The following ACSM3 variants were observed in gnomAD, a reference collection of about 807,000 sequenced individuals.
ACSM3 encodes acyl-CoA synthetase medium chain family member 3, also known as acyl-coenzyme A synthetase ACSM3, mitochondrial.
A neutral mutation model predicts 74.1 loss-of-function variants in ACSM3; 61 were observed. That is an observed-to-expected ratio of 0.82 (90% CI 0.67 to 1.02). The LOEUF (loss-of-function observed/expected upper bound fraction) is 1.02. ACSM3 is among the 50% of genes least tolerant of loss of function. The pLI, the probability that ACSM3 is intolerant of heterozygous loss-of-function variation, is 0.00. For missense variants in ACSM3, 660 were observed against 697.0 expected (o/e 0.95, Z 0.60); for synonymous variants, 213 against 241.5 (o/e 0.88, Z 1.09).
chr16:20,738,007 T>G, intron 1 of ACSM3: 6 of 1,523,058 alleles, frequency 3.9e-6, no homozygotes, highest in Non-Finnish European at 5.3e-6. Context: ...ATCTTAAAGA[T>G]CGAACTCTAA....
At position 20,796,404 on chromosome 16, in the gene ACSM3, A is replaced by G. The variant is rs1275652505; in HGVS notation, c.1589A>G (p.Tyr530Cys). Reference sequence around the variant, plus strand: ...GCTTTTGTCGTTCTAAATCCTGATTACAAGTCACATGATCAAGAACAACTA... The same window carrying G: ...GCTTTTGTCGTTCTAAATCCTGATTGCAAGTCACATGATCAAGAACAACTA... ...VKAFVVLNPD[Y>C]KSHDQEQLIK... The change falls in exon 13 of 14, where the codon TAC (tyrosine) becomes TGC (cysteine). Residue 530 changes from tyrosine (Y) to cysteine (C), a missense_variant. Tyr to Cys is a radical substitution (Grantham distance 194, BLOSUM62 -2). Coordinates refer to ENST00000289416, the MANE Select transcript of ACSM3 (RefSeq NM_005622.4). 1.9e-6 allele frequency: 3 copies of G among 1,613,656 alleles called. No individual in the cohort carries two copies. The highest frequency in any genetic ancestry group is 2.5e-6 in the Non-Finnish European group (3 of 1,179,908).
chr16:20,714,097 C>CT (rs926045197), intron 1 of ACSM3, among the ~76,000 whole-genome samples: 11 of 152,092 alleles, frequency 7.2e-5, no homozygotes, highest in African/African-American at 2.4e-4. Context: ...AATTATATTT[C>CT]TCTTTTTCTG....
chr16:20,763,211 A>C (rs2080091618), upstream of ACSM3, among the ~76,000 whole-genome samples: 1 of 152,264 alleles, frequency 6.6e-6, no homozygotes, highest in Non-Finnish European at 1.5e-5. Context: ...AAACAAAAAG[A>C]GTTCTTACCC....
chr16:20,791,951 G>A, intron 10 of ACSM3, 51 bp from the exon 11 acceptor site: 1 of 1,562,636 alleles, frequency 6.4e-7, no homozygotes, highest in Non-Finnish European at 8.7e-7. Context: ...AATTCCAATT[G>A]ACCAGAAGAG....
At chr16:20,700,004 G>C (rs1298458368) in intron 1 of ACSM3, among the ~76,000 whole-genome samples, 2 of 152,070 alleles carry the variant, frequency 1.3e-5, no homozygotes, top group Non-Finnish European at 2.9e-5. Flanking sequence ...TCTGGCCTAG[G>C]GCATTTATTT....
At chr16:20,710,012 C>G (rs2079739396) in intron 1 of ACSM3, among the ~76,000 whole-genome samples, 1 of 152,234 alleles carries the variant, frequency 6.6e-6, no homozygotes, top group Admixed American at 6.5e-5. Context: ...TATATATACA[C>G]TCCACTTTAT....
rs1369226845 is a variant in ACSM3, at chr16:20,796,950, AG to A, written c.1740del (p.Glu582AsnfsTer19). ...AAGACAAAAAGAAATGAACTGAGGA[AG>A]AAAGAATGGAAGACAATTTAAAGTT... ...SGKTKRNELR[K>X]KEWKTI On this transcript the variant is annotated frameshift_variant, in exon 14 of 14. Transcript: ENST00000289416. LOFTEE classifies it high-confidence loss of function. The A allele has an allele frequency of 1.2e-5, 20 of 1,612,886 alleles. No homozygotes were observed. The highest frequency in any genetic ancestry group is 1.6e-5 in the Non-Finnish European group (19 of 1,179,474).
intron 1 of ACSM3, among the ~76,000 whole-genome samples, chr16:20,707,039 C>T (rs2079730010): frequency 6.6e-6 from 1 of 152,138 alleles, no homozygotes; most frequent in South Asian, 2.1e-4. Context: ...TTGCCAACTT[C>T]AGTCACATTG....
intron 1 of ACSM3, chr16:20,721,664 G>C (rs2079786047): frequency 6.6e-6 from 1 of 152,110 alleles, no homozygotes; most frequent in South Asian, 2.1e-4. Flanking sequence ...GAGGGAGTTG[G>C]GGGTAGGATT....
At chr16:20,710,137 G>A (rs2079739719) in intron 1 of ACSM3, among the ~76,000 whole-genome samples, 1 of 152,180 alleles carries the variant, frequency 6.6e-6, no homozygotes, top group Admixed American at 6.5e-5. Flanking sequence ...TCTCCAGCCA[G>A]TGTTTAGGAT....
intron 1 of ACSM3, among the ~76,000 whole-genome samples, chr16:20,678,587 G>C (rs1055238010): frequency 1.3e-5 from 2 of 152,198 alleles, no homozygotes; most frequent in African/African-American, 4.8e-5. Flanking sequence ...GAAGGAACTA[G>C]AGGTGACCAA....
intron 1 of ACSM3, among the ~76,000 whole-genome samples, chr16:20,686,093 AAGTT>A (rs1483314608): frequency 6.6e-6 from 1 of 152,184 alleles, no homozygotes; most frequent in Non-Finnish European, 1.5e-5. Flanking sequence ...AAGTTTAAAT[AAGTT>A]ATTTACATAA....
chr16:20,695,888 T>A (rs1032086103), intron 1 of ACSM3, among the ~76,000 whole-genome samples: 2 of 152,230 alleles, frequency 1.3e-5, no homozygotes, highest in Non-Finnish European at 2.9e-5. Context: ...TATACATTAA[T>A]ATTAATGTCT....
At chr16:20,785,128 G>T in intron 8 of ACSM3, 21 bp downstream of exon 8, 1 of 1,611,664 alleles carries the variant, frequency 6.2e-7, no homozygotes, top group East Asian at 2.2e-5. Context: ...TCACTGAAAA[G>T]ACATAGCTGG....
Position 20,786,219 on chromosome 16 carries a change from C to T in ACSM3, c.1224+61C>T, listed in dbSNP as rs145313870. ...CCCAATCTGTACACTACCTACCTAC[C>T]GCTTACCCCCATATAAACTTTCTTT... is the stretch of plus-strand genomic sequence containing the variant. On this transcript the variant is annotated intron_variant, in intron 9 of 13. Transcript: ENST00000289416. 399 of 1,557,272 alleles carry T rather than the reference C, an allele frequency of 2.6e-4. 2 individuals carry two copies. The African/African-American group carries it at 4.9e-3, about 19-fold the overall frequency.
At chr16:20,723,116 G>A (rs1055587032) in intron 1 of ACSM3, among the ~76,000 whole-genome samples, 41 of 152,002 alleles carry the variant, frequency 2.7e-4, no homozygotes, top group African/African-American at 9.4e-4. Context: ...TCCCACCTAT[G>A]AGTAAGAACA....
At chr16:20,734,861 T>C (rs990140919) in intron 1 of ACSM3, 1 of 152,264 alleles carries the variant, frequency 6.6e-6, no homozygotes, top group Non-Finnish European at 1.5e-5. Context: ...GTTCATTCTC[T>C]TCCTTCAGAG....
chr16:20,742,162 A>G (rs2152424289), intron 1 of ACSM3: 1 of 813,588 alleles, frequency 1.2e-6, no homozygotes, highest in Non-Finnish European at 1.7e-6. Flanking sequence ...GAACGTGGAC[A>G]CAATGGTCAA....
chr16:20,718,446 C>A, intron 1 of ACSM3: 2 of 568,408 alleles, frequency 3.5e-6, no homozygotes, highest in Non-Finnish European at 5.4e-6. Flanking sequence ...CTAAGATGGC[C>A]CAGCACTCTC....
Sources: gnomAD v4.1 joint callset for allele counts (sites outside exome capture counted in the v4.1 genomes callset) on GRCh38, gnomAD v4.1.1 for gene constraint, MANE v1.5 for transcripts, NCBI Gene and HGNC (gene_info 2026-07-23, HGNC 2026-07-21) for gene names.